The following NONO variants were observed in gnomAD, a reference collection of about 807,000 sequenced individuals.
NONO encodes non-POU domain containing octamer binding.
NONO carries 6 observed loss-of-function variants against 40.2 expected under a neutral mutation model. The observed-to-expected ratio is 0.15, with a 90% confidence interval of 0.08 to 0.29. NONO has a LOEUF of 0.29. Ranked by LOEUF, NONO falls within the 10% of genes least tolerant of loss-of-function variation. The pLI, the probability that NONO is intolerant of heterozygous loss-of-function variation, is 1.00. For missense variants in NONO, 133 were observed against 397.8 expected (o/e 0.33, Z 5.66); for synonymous variants, 89 against 123.3 (o/e 0.72, Z 1.85).
At chrX:71,284,260 C>T (rs1000872402) in intron 1 of NONO, 137 bp from the exon 2 acceptor site, 2 of 112,547 alleles carry the variant, frequency 1.8e-5, no homozygotes. Flanking sequence ...GTCCTAACCG[C>T]CTAGCTCCTT....
Position 71,297,601 on chromosome X carries a change from A to G in NONO, c.1028+140A>G, listed in dbSNP as rs768720602. On this transcript the variant is annotated intron_variant, in intron 8 of 11. Transcript: ENST00000276079. The stretch of plus-strand genomic sequence containing the variant: ...GCTGCTTCTCAGGTTCTTTCTTTGG[A>G]TTGGAGATGTTTTAGCTGCCCATGG... The G allele has an allele frequency of 4.2e-4, 224 of 537,144 alleles. No individual in the cohort carries two copies. The African/African-American group carries it at 4.6e-3, about 11-fold the overall frequency. 44.3% of individuals were successfully genotyped at this position (537,144 alleles called of 1,213,427 possible). A position where few individuals can be genotyped will look rare whatever the true frequency, so the allele number is the denominator to read the frequency against.
At chrX:71,298,259 C>G in intron 9 of NONO, 1 of 453,097 alleles carries the variant, frequency 2.2e-6, no homozygotes, top group East Asian at 3.7e-5. Flanking sequence ...TTTCACCTCT[C>G]TGTTGCTAAT....
intron 4 of NONO, chrX:71,293,919 C>T (rs905504957): frequency 2.3e-5 from 6 of 265,269 alleles, no homozygotes; most frequent in Admixed American, 1.2e-4. Context: ...CGTGAGCCAC[C>T]GTACCCGGCC....
At chrX:71,298,905 C>A (rs2031513526) in intron 11 of NONO, 89 bp downstream of exon 11, 1 of 679,435 alleles carries the variant, frequency 1.5e-6, no homozygotes, top group African/African-American at 2.2e-5. Context: ...GGGCCTACCT[C>A]AGTTTGCTAT....
chrX:71,291,933 C>T lies in NONO; in HGVS notation c.309C>T (p.Val103=). The change falls in exon 4 of 12, where the codon GTC becomes GTT. Residue 103 remains valine (V), a synonymous_variant. Transcript: ENST00000276079. The part of the protein sequence containing the change: ...LFEKYGKAGE[V]FIHKDKGFGF... Reference sequence around the variant, plus strand: ...AGAAATATGGAAAGGCAGGCGAAGTCTTCATTCATAAGGATAAAGGATTTG... The same window carrying T: ...AGAAATATGGAAAGGCAGGCGAAGTTTTCATTCATAAGGATAAAGGATTTG... The T allele has an allele frequency of 8.3e-7, 1 of 1,198,443 alleles. No individual in the cohort carries two copies. Among genetic ancestry groups the T allele is most frequent in the Non-Finnish European group, 1.1e-6 (1 of 890,383 alleles).
At chrX:71,290,425 A>AT (rs751016927) in intron 2 of NONO, among the ~76,000 whole-genome samples, 16 of 110,740 alleles carry the variant, frequency 1.4e-4, no homozygotes, top group African/African-American at 5.3e-4. Flanking sequence ...AGAACGCAAG[A>AT]TTTTTTTTAA....
rs2031304309 is a variant in NONO at position 71,290,674 on chromosome X, A to C, written c.37A>C (p.Asn13His). Residue 13 changes from asparagine (N) to histidine (H), a missense_variant, in exon 3 of 12, where the codon AAC becomes CAC. Transcript: ENST00000276079. ...TAAAACTTTTAACTTGGAGAAGCAA[A>C]ACCATACTCCAAGAAAGCATCATCA... ...SNKTFNLEKQ[N>H]HTPRKHHQHH... The C allele has an allele frequency of 8.3e-7, 1 of 1,210,099 alleles. No individual in the cohort carries two copies. Among genetic ancestry groups the C allele is most frequent in the Admixed American group, 2.2e-5 (1 of 45,852 alleles).
At chrX:71,299,765 G>A (rs1294516068) in intron 11 of NONO, among the ~76,000 whole-genome samples, 177 bp from the exon 12 acceptor site, 2 of 111,010 alleles carry the variant, frequency 1.8e-5, no homozygotes, top group Non-Finnish European at 3.8e-5. Flanking sequence ...ACAGGCATGC[G>A]CCACCACTTT....
intron 4 of NONO, chrX:71,292,287 T>G (rs1473599672): frequency 8.2e-6 from 1 of 122,538 alleles, no homozygotes; most frequent in Non-Finnish European, 1.6e-5. Context: ...AACCTCCACC[T>G]CCCGGGTTCA....
At chrX:71,287,100 A>G (rs1489106668) in intron 2 of NONO, among the ~76,000 whole-genome samples, 2 of 112,252 alleles carry the variant, frequency 1.8e-5, no homozygotes, top group Non-Finnish European at 3.8e-5. Flanking sequence ...TTATTTTTTG[A>G]GACAGACTCT....
intron 5 of NONO, among the ~76,000 whole-genome samples, chrX:71,296,295 G>A (rs772272674): frequency 7.3e-5 from 8 of 109,655 alleles, no homozygotes; most frequent in Non-Finnish European, 1.1e-4. Flanking sequence ...ACAGACGTCC[G>A]TAGAGTCAGG....
At chrX:71,297,965 A>T (rs1177268292) in intron 9 of NONO, 27 bp downstream of exon 9, 1 of 985,829 alleles carries the variant, frequency 1.0e-6, no homozygotes, top group African/African-American at 1.9e-5. Flanking sequence ...CCCGTGATGT[A>T]CCAGACCAGT....
At chrX:71,285,411 A>C (rs1433308564) in intron 2 of NONO, among the ~76,000 whole-genome samples, 1 of 111,850 alleles carries the variant, frequency 8.9e-6, no homozygotes, top group African/African-American at 3.3e-5. Flanking sequence ...TGGCGTTTAA[A>C]ATCCTTACAA....
intron 4 of NONO, among the ~76,000 whole-genome samples, chrX:71,293,318 T>C (rs1255742774): frequency 8.9e-6 from 1 of 111,838 alleles, no homozygotes; most frequent in African/African-American, 3.2e-5. Context: ...TGGTGGCTCA[T>C]GCCTGTAATC....
intron 2 of NONO, among the ~76,000 whole-genome samples, chrX:71,286,832 A>G (rs1258644952): frequency 8.9e-6 from 1 of 112,007 alleles, no homozygotes; most frequent in East Asian, 2.8e-4. Context: ...ATAAATTTCC[A>G]GGAGTAGAAT....
chrX:71,286,562 A>G (rs1245793767), intron 2 of NONO, among the ~76,000 whole-genome samples: 1 of 111,615 alleles, frequency 9.0e-6, no homozygotes, highest in East Asian at 2.8e-4. Context: ...ATTTTTGCCT[A>G]CCTTCTGTTC....
Position 71,291,759 on chromosome X carries a change from G to A in NONO, c.155-20G>A. On this transcript the variant is annotated intron_variant, in intron 3 of 11. Coordinates refer to ENST00000276079, the MANE Select transcript of NONO (RefSeq NM_007363.5). ...ATTCTATTTCCCCAGTCTTTTAAGT[G>A]ACTGTGTGTCTTCTCTCAGATGAAG... is the stretch of plus-strand genomic sequence containing the variant. 8.8e-7 allele frequency: 1 copy of A among 1,132,485 alleles called. No homozygotes were observed. The highest frequency in any genetic ancestry group is 1.2e-6 in the Non-Finnish European group (1 of 850,341). The allele number at this position is 1,132,485 out of a possible 1,213,427, so 93.3% of individuals were successfully genotyped here. A position where few individuals can be genotyped will look rare whatever the true frequency, so the allele number is the denominator to read the frequency against.
At chrX:71,289,644 C>T (rs1170482822) in intron 2 of NONO, among the ~76,000 whole-genome samples, 1 of 111,293 alleles carries the variant, frequency 9.0e-6, no homozygotes, top group Non-Finnish European at 1.9e-5. Context: ...CTTGGTTGCC[C>T]AGGCTGGAGT....
In NONO at chrX:71,287,260, C is replaced by T. The variant is rs778354722; in HGVS notation, c.-10+2807C>T. Among the ~76,000 whole-genome samples, 7 of 110,313 alleles carry T rather than the reference C, an allele frequency of 6.3e-5. No homozygotes were observed. In the South Asian group the frequency reaches 1.5e-3, roughly 24 times the overall value. On this transcript the variant is annotated intron_variant, in intron 2 of 11. Coordinates refer to ENST00000276079, the MANE Select transcript of NONO (RefSeq NM_007363.5). ...CATGCCCAGCTAATTTTTGTGTTTT[C>T]GGTAGAGACGGGTTTTCACCATGTT...
Sources: allele counts gnomAD v4.1 joint callset (sites outside exome capture counted in the v4.1 genomes callset), GRCh38; gene constraint gnomAD v4.1.1; transcripts MANE v1.5; gene names NCBI Gene and HGNC (gene_info 2026-07-23, HGNC 2026-07-21).